VPS13A: variants seen among roughly 807,000 people sequenced by gnomAD.
VPS13A encodes the protein intermembrane lipid transfer protein VPS13A.
VPS13A carries 264 observed loss-of-function variants against 390.9 expected under a neutral mutation model. The ratio of observed to expected loss-of-function variants is 0.68; its 90% CI spans 0.61 to 0.75. The LOEUF (loss-of-function observed/expected upper bound fraction) is 0.75. Ranked by LOEUF, VPS13A falls within the 30% of genes least tolerant of loss-of-function variation. VPS13A has a pLI of 0.00. For synonymous variants in VPS13A, 1,231 were observed against 1,227.1 expected (o/e 1.00, Z -0.07); for missense variants, 3,409 against 3,733.9 (o/e 0.91, Z 2.27).
intron 68 of VPS13A, among the ~76,000 whole-genome samples, chr9:77,399,310 T>C (rs1243494658): frequency 6.6e-6 from 1 of 152,040 alleles, no homozygotes; most frequent in African/African-American, 2.4e-5. Context: ...AAGCATTATA[T>C]GAATTACTTT....
chr9:77,298,030 A>G (rs1186009529), intron 33 of VPS13A, among the ~76,000 whole-genome samples: 1 of 152,234 alleles, frequency 6.6e-6, no homozygotes, highest in Non-Finnish European at 1.5e-5. Context: ...AAGAGAAATT[A>G]AAATTCACTT....
intron 1 of VPS13A, among the ~76,000 whole-genome samples, chr9:77,183,336 G>A (rs546639506): frequency 6.6e-6 from 1 of 152,156 alleles, no homozygotes; most frequent in African/African-American, 2.4e-5. Flanking sequence ...ATACCTAGAA[G>A]TTTCCTTGTG....
chr9:77,296,265 A>G (rs974038440), intron 33 of VPS13A, among the ~76,000 whole-genome samples: 5 of 152,216 alleles, frequency 3.3e-5, no homozygotes, highest in African/African-American at 1.2e-4. Context: ...ATGCAGTAGC[A>G]TACAACCTTA....
chr9:77,293,756 A>G (rs867949485), intron 32 of VPS13A, among the ~76,000 whole-genome samples: 27 of 152,096 alleles, frequency 1.8e-4, no homozygotes, highest in African/African-American at 5.8e-4. Context: ...TGTGCATTAT[A>G]TATCATAAAT....
chr9:77,213,420 C>A, intron 9 of VPS13A, 106 bp downstream of exon 9: 1 of 893,246 alleles, frequency 1.1e-6, no homozygotes. Flanking sequence ...TTCCTAGGCA[C>A]AATCTATTAG....
At chr9:77,252,403 G>C in intron 22 of VPS13A, 51 bp downstream of exon 22, 1 of 1,429,510 alleles carries the variant, frequency 7.0e-7, no homozygotes, top group South Asian at 1.1e-5. Context: ...TAATTCTGTA[G>C]CTAGGGAAAT....
chr9:77,294,843 G>A (rs1055790741), intron 32 of VPS13A, among the ~76,000 whole-genome samples: 1 of 152,028 alleles, frequency 6.6e-6, no homozygotes, highest in African/African-American at 2.4e-5. Context: ...GATTAAATTA[G>A]TAGGGACAAC....
chr9:77,410,092 ATC>A (rs1379159893), intron 71 of VPS13A, among the ~76,000 whole-genome samples: 3 of 152,184 alleles, frequency 2.0e-5, no homozygotes, highest in Non-Finnish European at 4.4e-5. Context: ...CTAATAGCTG[ATC>A]TCTCAGCAGA....
intron 67 of VPS13A, among the ~76,000 whole-genome samples, chr9:77,372,340 C>T (rs1462857268): frequency 6.6e-6 from 1 of 151,998 alleles, no homozygotes; most frequent in African/African-American, 2.4e-5. Flanking sequence ...TAATGATTGC[C>T]ATTCTAACTG....
At chr9:77,291,084 A>G (rs1185570223) in intron 31 of VPS13A, among the ~76,000 whole-genome samples, 1 of 152,160 alleles carries the variant, frequency 6.6e-6, no homozygotes, top group Non-Finnish European at 1.5e-5. Flanking sequence ...CCTGTTAGGA[A>G]CTGGGCCGGA....
chr9:77,365,795 A>G (rs1832396551), intron 60 of VPS13A, among the ~76,000 whole-genome samples: 1 of 152,008 alleles, frequency 6.6e-6, no homozygotes, highest in Admixed American at 6.5e-5. Flanking sequence ...ACCTAACATT[A>G]TTTTACCTTG....
chr9:77,216,529 A>G (rs1049761446), intron 10 of VPS13A, among the ~76,000 whole-genome samples: 1 of 152,154 alleles, frequency 6.6e-6, no homozygotes, highest in Non-Finnish European at 1.5e-5. Flanking sequence ...AGCATAGTTA[A>G]TTTATATGAT....
intron 23 of VPS13A, among the ~76,000 whole-genome samples, chr9:77,263,859 T>C (rs947185649): frequency 3.9e-5 from 6 of 152,216 alleles, no homozygotes; most frequent in Admixed American, 1.3e-4. Flanking sequence ...GGTTTCCTTC[T>C]AGAGTTTTTA....
At chr9:77,261,847 G>A (rs962403003) in intron 23 of VPS13A, among the ~76,000 whole-genome samples, 2 of 152,144 alleles carry the variant, frequency 1.3e-5, no homozygotes, top group African/African-American at 2.4e-5. Context: ...GGGCTCCCAA[G>A]TACTGGGATT....
chr9:77,253,824 T>A (rs1056210436), intron 22 of VPS13A, among the ~76,000 whole-genome samples: 4 of 152,102 alleles, frequency 2.6e-5, no homozygotes, highest in Admixed American at 2.6e-4. Flanking sequence ...ATAAAGCTTT[T>A]CTTCTTTGTT....
intron 19 of VPS13A, among the ~76,000 whole-genome samples, chr9:77,245,676 C>T (rs1401691610): frequency 6.6e-6 from 1 of 152,150 alleles, no homozygotes; most frequent in Non-Finnish European, 1.5e-5. Flanking sequence ...CTTGCTTGGG[C>T]TACCTGTGCA....
At chr9:77,300,824 C>A (rs1273457660) in intron 33 of VPS13A, among the ~76,000 whole-genome samples, 1 of 152,350 alleles carries the variant, frequency 6.6e-6, no homozygotes, top group Non-Finnish European at 1.5e-5. Flanking sequence ...TGACTAGGTT[C>A]TTTATACATT....
chr9:77,294,040 A>G lies in VPS13A; in HGVS notation c.3507+532A>G, dbSNP rs180979453. Among the ~76,000 whole-genome samples the G allele has an allele frequency of 1.2e-3, 185 of 152,116 alleles. 1 individual carries two copies. The highest frequency in any genetic ancestry group is 4.2e-3 in the African/African-American group (174 of 41,504). On this transcript the variant is annotated intron_variant, in intron 32 of 71. Coordinates refer to ENST00000360280, the MANE Select transcript of VPS13A (RefSeq NM_033305.3). The stretch of plus-strand genomic sequence containing the variant: ...CGCCCCAACCTCCTGAGTAGCTGAG[A>G]CTACAGGCACATATCACCATGCACA...
At chr9:77,413,081 C>A (rs1393252781) in intron 71 of VPS13A, among the ~76,000 whole-genome samples, 2 of 152,118 alleles carry the variant, frequency 1.3e-5, no homozygotes, top group African/African-American at 4.8e-5. Flanking sequence ...AACCACTGCT[C>A]AGTGAAATAA....
Sources: allele counts gnomAD v4.1 joint callset (sites outside exome capture counted in the v4.1 genomes callset), GRCh38; gene constraint gnomAD v4.1.1; transcripts MANE v1.5; gene names NCBI Gene and HGNC (gene_info 2026-07-23, HGNC 2026-07-21).